The following ARHGAP20 variants were observed in gnomAD, a reference collection of about 807,000 sequenced individuals.
ARHGAP20 encodes Rho GTPase activating protein 20.
In ARHGAP20, 34 loss-of-function variants were observed where a neutral mutation model predicts 73.7. The observed-to-expected ratio is 0.46, with a 90% CI of 0.35 to 0.61. ARHGAP20 has a LOEUF of 0.61. ARHGAP20 is among the 20% of genes least tolerant of loss of function. ARHGAP20 has a pLI of 0.00. For missense variants in ARHGAP20, 1,314 were observed against 1,420.9 expected (o/e 0.92, Z 1.21); for synonymous variants, 523 against 518.2 (o/e 1.01, Z -0.13).
At chr11:110,712,026 C>A (rs1950672283) in intron 1 of ARHGAP20, 101 bp downstream of exon 1, 1 of 1,242,330 alleles carries the variant, frequency 8.0e-7, no homozygotes, top group East Asian at 3.2e-5. Context: ...CAAATTCCCG[C>A]GGCGTCCGCC....
chr11:110,580,536 C>CCA lies in ARHGAP20; in HGVS notation c.2408_2409dup (p.Ala804TrpfsTer20). On this transcript the variant is annotated frameshift_variant, in exon 15 of 15. Coordinates refer to ENST00000683387, the MANE Select transcript of ARHGAP20 (RefSeq NM_001384657.1). LOFTEE classifies it low-confidence loss of function (END_TRUNC). Reference sequence around the variant, plus strand: ...TGTGAGGACATAGGACTATAAGATGCCACAGAAATGGCCACTGGCTTAGAC... The same window carrying CCA: ...TGTGAGGACATAGGACTATAAGATGCCACACAGAAATGGCCACTGGCTTAGAC... The CCA allele has an allele frequency of 6.2e-7, 1 of 1,614,174 alleles. No individual in the cohort carries two copies. Among genetic ancestry groups the CCA allele is most frequent in the Non-Finnish European group, 8.5e-7 (1 of 1,180,036 alleles).
chr11:110,655,132 T>C (rs879222803), intron 2 of ARHGAP20, among the ~76,000 whole-genome samples: 2 of 152,102 alleles, frequency 1.3e-5, no homozygotes, highest in African/African-American at 4.8e-5. Context: ...GAAGAAAACA[T>C]AAAGGGGATT....
intron 6 of ARHGAP20, among the ~76,000 whole-genome samples, chr11:110,612,254 T>TAA (rs386374891): frequency 0.14 from 20,613 of 143,236 alleles, 1,679 homozygotes; most frequent in South Asian, 0.29. Context: ...CCGTCTCTAC[T>TAA]AAAAAAAAAA....
At chr11:110,591,485 T>TA (rs2134828196) in intron 10 of ARHGAP20, among the ~76,000 whole-genome samples, 2 of 152,348 alleles carry the variant, frequency 1.3e-5, no homozygotes, top group African/African-American at 4.8e-5. Context: ...AGTGATTATT[T>TA]AAAATATCAA....
chr11:110,583,482 C>A (rs1240112159), intron 13 of ARHGAP20, 66 bp downstream of exon 13: 2 of 1,336,632 alleles, frequency 1.5e-6, no homozygotes, highest in South Asian at 1.6e-5. Context: ...TTTTAGAATA[C>A]CCCAAATTTC....
At chr11:110,618,190 A>G (rs12282038) in intron 4 of ARHGAP20, among the ~76,000 whole-genome samples, 21,337 of 152,076 alleles carry the variant, frequency 0.14, 2,269 homozygotes, top group African/African-American at 0.29. Context: ...ACCACAATAG[A>G]CTAAAGTCAG....
At chr11:110,680,772 C>G (rs1950022587) in intron 2 of ARHGAP20, among the ~76,000 whole-genome samples, 1 of 152,106 alleles carries the variant, frequency 6.6e-6, no homozygotes, top group Non-Finnish European at 1.5e-5. Flanking sequence ...AAAATTAGCA[C>G]ACTGCACCAC....
intron 5 of ARHGAP20, 146 bp downstream of exon 5, chr11:110,615,407 A>G (rs1948461468): frequency 1.6e-6 from 1 of 631,994 alleles, no homozygotes; most frequent in Non-Finnish European, 2.7e-6. Flanking sequence ...TAGCTAGTGT[A>G]CGATATAAAC....
intron 2 of ARHGAP20, among the ~76,000 whole-genome samples, chr11:110,660,064 A>AAAAAAAAAAACAAAAAAAAAAAAAC (rs1555097585): frequency 7.8e-6 from 1 of 128,826 alleles, no homozygotes; most frequent in African/African-American, 3.6e-5. Context: ...TAAAAAACAA[A>AAAAAAAAAAACAAAAAAAAAAAAAC]AAAAAAAAAA....
intron 2 of ARHGAP20, among the ~76,000 whole-genome samples, chr11:110,669,350 G>T (rs1949784295): frequency 1.3e-5 from 2 of 152,050 alleles, no homozygotes; most frequent in Admixed American, 1.3e-4. Flanking sequence ...AGAGTGACTT[G>T]GGAACTGAAT....
intron 9 of ARHGAP20, among the ~76,000 whole-genome samples, chr11:110,599,779 A>C (rs1948065074): frequency 6.6e-6 from 1 of 151,990 alleles, no homozygotes; most frequent in Admixed American, 6.5e-5. Context: ...TACCCACTAC[A>C]GGGCCTCCTT....
intron 2 of ARHGAP20, among the ~76,000 whole-genome samples, chr11:110,660,790 T>A (rs577618080): frequency 1.3e-5 from 2 of 152,308 alleles, no homozygotes; most frequent in African/African-American, 4.8e-5. Flanking sequence ...TTGGTCTTTT[T>A]TTTTCATCCA....
At position 110,577,980 on chromosome 11, in the gene ARHGAP20, A is replaced by G. The variant is rs1367038907; in HGVS notation, c.*1390T>C. ...GAAAGGTCCATCTGATGGTGAACTA[A>G]AGAGTTTAAATAAATGGGCTCAGAG... On this transcript the variant is annotated 3_prime_UTR_variant, in exon 15 of 15. Transcript: ENST00000683387. The G allele has an allele frequency of 1.1e-6, 1 of 939,118 alleles. No individual in the cohort carries two copies. The highest frequency in any genetic ancestry group is 1.3e-6 in the Non-Finnish European group (1 of 786,458). 58.2% of individuals were successfully genotyped at this position (939,118 alleles called of 1,614,324 possible).
intron 1 of ARHGAP20, among the ~76,000 whole-genome samples, chr11:110,696,272 C>T (rs112928182): frequency 6.6e-6 from 1 of 151,612 alleles, no homozygotes; most frequent in Non-Finnish European, 1.5e-5. Flanking sequence ...TATGACTACA[C>T]TAAAAGCCGC....
At chr11:110,665,931 A>G (rs1734154368) in intron 2 of ARHGAP20, among the ~76,000 whole-genome samples, 1 of 152,084 alleles carries the variant, frequency 6.6e-6, no homozygotes, top group African/African-American at 2.4e-5. Flanking sequence ...GAGAAATGCT[A>G]CCAGATAAGT....
At chr11:110,656,053 A>G (rs1313680922) in intron 2 of ARHGAP20, among the ~76,000 whole-genome samples, 2 of 152,146 alleles carry the variant, frequency 1.3e-5, no homozygotes, top group African/African-American at 4.8e-5. Context: ...CTATAAAAGC[A>G]GGGGCCTTAG....
rs115938456 is a variant in ARHGAP20, at chr11:110,613,040, T to C, written c.630+1521A>G. Among the ~76,000 whole-genome samples, 1,071 of 152,342 alleles carry C rather than the reference T, an allele frequency of 7.0e-3. 9 individuals carry two copies. Among genetic ancestry groups the C allele is most frequent in the African/African-American group, 0.022 (897 of 41,590 alleles). On this transcript the variant is annotated intron_variant, in intron 6 of 14. Transcript: ENST00000683387. ...CATTTAATTTAAAGAAACTCTCCCA[T>C]GAAGTCTTATAACGTGAAGAATCTA...
intron 1 of ARHGAP20, among the ~76,000 whole-genome samples, chr11:110,708,848 A>T (rs987729050): frequency 1.3e-5 from 2 of 152,168 alleles, no homozygotes; most frequent in Non-Finnish European, 2.9e-5. Flanking sequence ...TATTAAATTT[A>T]TATACTTTAA....
intron 9 of ARHGAP20, among the ~76,000 whole-genome samples, chr11:110,598,261 C>A (rs1312567743): frequency 4.6e-5 from 7 of 151,394 alleles, no homozygotes; most frequent in African/African-American, 1.2e-4. Flanking sequence ...TACCAGCCAC[C>A]ATAAAATTTC....
Sources: allele counts gnomAD v4.1 joint callset (sites outside exome capture counted in the v4.1 genomes callset), GRCh38; gene constraint gnomAD v4.1.1; transcripts MANE v1.5; gene names NCBI Gene and HGNC (gene_info 2026-07-23, HGNC 2026-07-21).